TCF7L1: variants seen among roughly 807,000 people sequenced by gnomAD.
TCF7L1 encodes the protein transcription factor 7 like 1.
In TCF7L1, 18 loss-of-function variants were observed where a neutral mutation model predicts 63.7. The observed-to-expected ratio is 0.28, with a 90% confidence interval of 0.20 to 0.42. The LOEUF is 0.42. Ranked by LOEUF, TCF7L1 falls within the 10% of genes least tolerant of loss-of-function variation. TCF7L1 has a pLI of 1.00. For missense variants in TCF7L1, 654 were observed against 779.3 expected, an observed-to-expected ratio of 0.84 and a Z score of 1.91; for synonymous variants, 355 against 340.9, an observed-to-expected ratio of 1.04 and a Z score of -0.46.
chr2:85,209,104 A>G (rs1679485146), intron 3 of TCF7L1, among the ~76,000 whole-genome samples: 1 of 152,190 alleles, frequency 6.6e-6, no homozygotes, highest in South Asian at 2.1e-4. Context: ...TATCCAGTTC[A>G]GGTAGCAGGC....
chr2:85,273,950 G>A (rs10201321), intron 3 of TCF7L1, among the ~76,000 whole-genome samples: 40,399 of 152,038 alleles, frequency 0.27, 5,821 homozygotes, highest in East Asian at 0.57. Context: ...TGAGCTCCTG[G>A]TCAGAGGCCA....
At chr2:85,203,114 C>T (rs1170498659) in intron 3 of TCF7L1, among the ~76,000 whole-genome samples, 1 of 152,184 alleles carries the variant, frequency 6.6e-6, no homozygotes, top group Non-Finnish European at 1.5e-5. Flanking sequence ...GGATTACAGG[C>T]ATGAGCCACC....
chr2:85,203,021 G>C (rs1679311053), intron 3 of TCF7L1, among the ~76,000 whole-genome samples: 1 of 152,176 alleles, frequency 6.6e-6, no homozygotes, highest in Non-Finnish European at 1.5e-5. Flanking sequence ...TTTTTTGGTA[G>C]AGACGGGGTT....
chr2:85,290,192 G>GC (rs771734605), intron 4 of TCF7L1, among the ~76,000 whole-genome samples: 41 of 152,072 alleles, frequency 2.7e-4, no homozygotes, highest in Non-Finnish European at 5.4e-4. Flanking sequence ...TGATAGCCAG[G>GC]CTGGTCTTGA....
intron 3 of TCF7L1, among the ~76,000 whole-genome samples, chr2:85,202,500 C>T (rs1679293647): frequency 6.6e-6 from 1 of 152,164 alleles, no homozygotes; most frequent in African/African-American, 2.4e-5. Context: ...CTTTAGGTGT[C>T]ATATCTAAGC....
chr2:85,308,417 T>TTCCC (rs1288296925), intron 11 of TCF7L1, among the ~76,000 whole-genome samples: 1 of 65,062 alleles, frequency 1.5e-5, no homozygotes, highest in African/African-American at 8.8e-5. Context: ...CCCTTTCCCC[T>TTCCC]TCCCTCCCTC....
chr2:85,242,363 G>A (rs371546370), intron 3 of TCF7L1, among the ~76,000 whole-genome samples: 8 of 152,136 alleles, frequency 5.3e-5, no homozygotes, highest in African/African-American at 1.2e-4. Context: ...AACATGTCGC[G>A]CTTAAGAATT....
chr2:85,251,992 T>C (rs1340478913), intron 3 of TCF7L1, among the ~76,000 whole-genome samples: 2 of 152,146 alleles, frequency 1.3e-5, no homozygotes, highest in African/African-American at 4.8e-5. Context: ...GGAGGATCAC[T>C]TGAACCCAGG....
chr2:85,256,296 C>G (rs956864555), intron 3 of TCF7L1, among the ~76,000 whole-genome samples: 3 of 152,200 alleles, frequency 2.0e-5, no homozygotes, highest in Non-Finnish European at 4.4e-5. Flanking sequence ...TAGAAGCGTC[C>G]GAGTCAGACC....
intron 3 of TCF7L1, among the ~76,000 whole-genome samples, chr2:85,250,908 A>T (rs557234193): frequency 6.6e-6 from 1 of 152,360 alleles, no homozygotes; most frequent in Non-Finnish European, 1.5e-5. Context: ...GAGCCACTAA[A>T]GAAAGGCAAA....
chr2:85,150,942 A>G (rs1357834264), intron 3 of TCF7L1, among the ~76,000 whole-genome samples: 1 of 152,150 alleles, frequency 6.6e-6, no homozygotes, highest in Non-Finnish European at 1.5e-5. Flanking sequence ...TTAAAAATTG[A>G]CAGTGTAGGG....
chr2:85,169,246 A>C (rs1678493705), intron 3 of TCF7L1, among the ~76,000 whole-genome samples: 1 of 151,832 alleles, frequency 6.6e-6, no homozygotes, highest in Non-Finnish European at 1.5e-5. Context: ...CCCACTGAAC[A>C]CACCTAGTGC....
intron 6 of TCF7L1, 37 bp downstream of exon 6, chr2:85,304,034 C>G: frequency 6.6e-7 from 1 of 1,508,208 alleles, no homozygotes; most frequent in East Asian, 2.3e-5. Flanking sequence ...CCTGCTCCCT[C>G]CTTGCGCTGA....
Position 85,306,487 on chromosome 2 carries a change from C to T in TCF7L1, c.1185C>T (p.Tyr395=). 1 of 1,614,176 alleles carries T rather than the reference C, an allele frequency of 6.2e-7. No homozygotes were observed. Among genetic ancestry groups the T allele is most frequent in the Middle Eastern group, 1.6e-4 (1 of 6,062 alleles). Residue 395 remains tyrosine, a synonymous_variant, in exon 10 of 12, where the codon TAC becomes TAT. Coordinates refer to ENST00000282111, the MANE Select transcript of TCF7L1 (RefSeq NM_031283.3). The surrounding 1 kb of genome is among the most constrained non-coding windows in gnomAD (Gnocchi z 4.3). ...TGTCTCGAGAAGAACAGGCCAAGTA[C>T]TACGAGCTGGCCCGGAAGGAGCGGC... ...HNLSREEQAK[Y]YELARKERQL... is the part of the protein sequence containing the mutation.
intron 3 of TCF7L1, among the ~76,000 whole-genome samples, chr2:85,215,647 C>T (rs1679683340): frequency 6.6e-6 from 1 of 151,950 alleles, no homozygotes; most frequent in Admixed American, 6.6e-5. Flanking sequence ...TTATAGATTG[C>T]TCCTTTGGCT....
intron 3 of TCF7L1, among the ~76,000 whole-genome samples, chr2:85,189,145 G>T (rs1392963175): frequency 2.0e-5 from 3 of 152,152 alleles, no homozygotes; most frequent in Non-Finnish European, 4.4e-5. Context: ...GCAATTAAAA[G>T]AATTCCAGAT....
intron 3 of TCF7L1, among the ~76,000 whole-genome samples, chr2:85,223,468 C>T (rs1439562887): frequency 6.6e-6 from 1 of 152,112 alleles, no homozygotes; most frequent in Non-Finnish European, 1.5e-5. Context: ...ACCCCACAGC[C>T]AAGGGGGGTT....
intron 3 of TCF7L1, among the ~76,000 whole-genome samples, chr2:85,184,663 C>A (rs2104255212): frequency 6.6e-6 from 1 of 152,286 alleles, no homozygotes; most frequent in East Asian, 1.9e-4. Context: ...GGCCCATCTT[C>A]ATGGTGTGTA....
Position 85,283,485 on chromosome 2 carries a change from C to A in TCF7L1, c.442-10C>A, listed in dbSNP as rs369137176. The A allele has an allele frequency of 2.5e-5, 40 of 1,613,914 alleles. No homozygotes were observed. The African/African-American group carries it at 3.1e-4, about 12-fold the overall frequency. On this transcript the variant is annotated splice_polypyrimidine_tract_variant and intron_variant, in intron 3 of 11. Transcript: ENST00000282111. ...CACCAACAGCTTTTTCTTTTCTGTT[C>A]CCTGTGCAGTACCTGCAGATGAAAT...
Sources: allele counts gnomAD v4.1 joint callset (sites outside exome capture counted in the v4.1 genomes callset), GRCh38; gene constraint gnomAD v4.1.1; non-coding constraint Gnocchi (gnomAD v3.1); transcripts MANE v1.5; gene names NCBI Gene and HGNC (gene_info 2026-07-23, HGNC 2026-07-21).